The following FMNL2 variants were observed in gnomAD, a reference collection of about 807,000 sequenced individuals.
The protein encoded by FMNL2 is formin-like protein 2.
FMNL2 carries 51 observed loss-of-function variants against 130.2 expected under a neutral mutation model. The ratio of observed to expected loss-of-function variants is 0.39; its 90% CI spans 0.31 to 0.49. The LOEUF (loss-of-function observed/expected upper bound fraction) is 0.49. Among genes scored for constraint, FMNL2 ranks in the 20% least tolerant of loss-of-function variants. The pLI, the probability that FMNL2 is intolerant of heterozygous loss-of-function variation, is 0.85. For missense variants in FMNL2, 977 were observed against 1,316.2 expected, an observed-to-expected ratio of 0.74 and a Z score of 3.99; for synonymous variants, 465 against 467.1, an observed-to-expected ratio of 1.00 and a Z score of 0.06.
rs1553496649 is a variant in FMNL2 at position 152,649,018 on chromosome 2, A to AAAGT, written c.*1114_*1117dup. On this transcript the variant is annotated 3_prime_UTR_variant, in exon 26 of 26. Coordinates refer to ENST00000288670, the MANE Select transcript of FMNL2 (RefSeq NM_052905.4). ...TCTGGCAGGGCACTTGATCCATTCC[A>AAAGT]AAGTCAAAAACTGGACTGAAGCTAA... 1.3e-5 allele frequency: 2 copies of AAAGT among 152,654 alleles called. No individual in the cohort carries two copies. Among genetic ancestry groups the AAAGT allele is most frequent in the Admixed American group, 6.5e-5 (1 of 15,288 alleles). The allele number at this position is 152,654 out of a possible 1,614,324, so 9.5% of individuals were successfully genotyped here.
chr2:152,445,376 T>A (rs1359044675), intron 1 of FMNL2, among the ~76,000 whole-genome samples: 1 of 152,190 alleles, frequency 6.6e-6, no homozygotes, highest in East Asian at 1.9e-4. Flanking sequence ...AGCCTTGTAT[T>A]CTGTAAATTA....
chr2:152,540,476 TGAGATA>T (rs1287546011), intron 2 of FMNL2, among the ~76,000 whole-genome samples: 1 of 152,074 alleles, frequency 6.6e-6, no homozygotes, highest in East Asian at 1.9e-4. Flanking sequence ...GCAGCTTGAT[TGAGATA>T]GAGTTCATAT....
intron 1 of FMNL2, among the ~76,000 whole-genome samples, chr2:152,403,222 GAAAA>G (rs58474447): frequency 5.1e-5 from 6 of 116,682 alleles, no homozygotes; most frequent in East Asian, 2.4e-4. Context: ...ACTGTAAACT[GAAAA>G]AAAAAAAAAA....
chr2:152,504,528 A>G (rs112591306), intron 1 of FMNL2, among the ~76,000 whole-genome samples: 13,601 of 152,166 alleles, frequency 0.089, 931 homozygotes, highest in Admixed American at 0.22. Flanking sequence ...TACAGGCATG[A>G]GCCACCGCGC....
At chr2:152,563,946 A>G (rs1695668811) in intron 6 of FMNL2, among the ~76,000 whole-genome samples, 1 of 152,062 alleles carries the variant, frequency 6.6e-6, no homozygotes, top group African/African-American at 2.4e-5. Flanking sequence ...CTCGGGTGAA[A>G]ACGACATCCA....
intron 1 of FMNL2, among the ~76,000 whole-genome samples, chr2:152,411,110 A>G (rs1005397961): frequency 1.3e-5 from 2 of 152,248 alleles, no homozygotes; most frequent in African/African-American, 2.4e-5. Context: ...TAGAAAAAAC[A>G]TATGAAGCCA....
intron 9 of FMNL2, among the ~76,000 whole-genome samples, chr2:152,587,589 G>A (rs1697154439): frequency 6.6e-6 from 1 of 152,194 alleles, no homozygotes; most frequent in African/African-American, 2.4e-5. Context: ...ATGGGCAAAT[G>A]ATATTGTGAG....
At position 152,649,416 on chromosome 2, in the gene FMNL2, AG is replaced by A. The variant is rs1683888092; in HGVS notation, c.*1514del. ...ATATATTTAACTATAAGGACAGTTT[AG>A]GGAACAAGTTACCTACCACATTTCA... On this transcript the variant is annotated 3_prime_UTR_variant, in exon 26 of 26. Coordinates refer to ENST00000288670, the MANE Select transcript of FMNL2 (RefSeq NM_052905.4). The A allele has an allele frequency of 1.3e-5, 2 of 152,546 alleles. No homozygotes were observed. The highest frequency in any genetic ancestry group is 4.1e-4 in the South Asian group (2 of 4,824). 9.4% of individuals were successfully genotyped at this position (152,546 alleles called of 1,614,324 possible).
In FMNL2 at chr2:152,640,921, G is replaced by T. The variant is rs1423824936; in HGVS notation, c.3169+7G>T. 4 of 1,613,342 alleles carry T rather than the reference G, an allele frequency of 2.5e-6. No individual in the cohort carries two copies. The highest frequency in any genetic ancestry group is 3.4e-6 in the Non-Finnish European group (4 of 1,179,538). On this transcript the variant is annotated splice_region_variant and intron_variant, in intron 25 of 25. Coordinates refer to ENST00000288670, the MANE Select transcript of FMNL2 (RefSeq NM_052905.4). ...ATTGAAGATATTATCACAGGTAAAA[G>T]ATATTTCTTCACTGTGGCCCATGGA...
intron 3 of FMNL2, among the ~76,000 whole-genome samples, chr2:152,544,772 C>T (rs1225188484): frequency 6.6e-6 from 1 of 152,102 alleles, no homozygotes; most frequent in Non-Finnish European, 1.5e-5. Context: ...CTGCTTAGGC[C>T]CCCACTTCCA....
At chr2:152,402,012 A>G (rs527819320) in intron 1 of FMNL2, among the ~76,000 whole-genome samples, 1 of 140,420 alleles carries the variant, frequency 7.1e-6, no homozygotes, top group East Asian at 2.2e-4. Context: ...CTCACATGCC[A>G]TTCTCCTGCC....
chr2:152,477,368 T>C (rs1579759996), intron 1 of FMNL2, among the ~76,000 whole-genome samples: 2 of 152,340 alleles, frequency 1.3e-5, no homozygotes, highest in East Asian at 3.9e-4. Flanking sequence ...TCTCAGGTGC[T>C]CAGATTCTTC....
At chr2:152,646,675 CAA>C (rs1381779528) in intron 25 of FMNL2, among the ~76,000 whole-genome samples, 1 of 152,126 alleles carries the variant, frequency 6.6e-6, no homozygotes, top group Non-Finnish European at 1.5e-5. Context: ...TAAAGGGATA[CAA>C]AAGATTCAAT....
chr2:152,339,168 T>G (rs1174144265), intron 1 of FMNL2, among the ~76,000 whole-genome samples: 1 of 150,770 alleles, frequency 6.6e-6, no homozygotes. Context: ...TAAACTTTCT[T>G]AAAACATTAT....
intron 1 of FMNL2, among the ~76,000 whole-genome samples, chr2:152,407,778 T>C (rs1409565405): frequency 6.6e-6 from 1 of 152,192 alleles, no homozygotes; most frequent in African/African-American, 2.4e-5. Flanking sequence ...TTGTCTTCCC[T>C]TTTCTTCATC....
intron 24 of FMNL2, 121 bp downstream of exon 24, chr2:152,640,177 G>A (rs1378306204): frequency 5.4e-6 from 4 of 737,852 alleles, no homozygotes; most frequent in African/African-American, 3.6e-5. Context: ...CTTCCTTCTG[G>A]TGCCTGGACA....
chr2:152,490,125 A>C (rs1691061595), intron 1 of FMNL2, among the ~76,000 whole-genome samples: 1 of 152,140 alleles, frequency 6.6e-6, no homozygotes, highest in South Asian at 2.1e-4. Context: ...GGGATATTTA[A>C]AACTTGTACT....
chr2:152,336,909 C>T (rs2105706846), intron 1 of FMNL2, among the ~76,000 whole-genome samples: 1 of 152,296 alleles, frequency 6.6e-6, no homozygotes, highest in South Asian at 2.1e-4. Flanking sequence ...TTCATGAAAA[C>T]TTAGAACTTT....
chr2:152,378,830 A>G (rs889865214), intron 1 of FMNL2, among the ~76,000 whole-genome samples: 3 of 151,942 alleles, frequency 2.0e-5, no homozygotes, highest in African/African-American at 7.3e-5. Flanking sequence ...AATGAGATAG[A>G]TGGAGGTGTG....
Sources: gnomAD v4.1 joint callset for allele counts (sites outside exome capture counted in the v4.1 genomes callset) on GRCh38, gnomAD v4.1.1 for gene constraint, MANE v1.5 for transcripts, NCBI Gene and HGNC (gene_info 2026-07-23, HGNC 2026-07-21) for gene names.